Variants in LRRTM4 observed in about 807,000 individuals in gnomAD.
LRRTM4 encodes leucine rich repeat transmembrane neuronal 4.
Under a neutral mutation model 47.6 loss-of-function variants are expected in LRRTM4, and 25 were observed. That is an observed-to-expected ratio of 0.53 (90% CI 0.38 to 0.73). LRRTM4 has a LOEUF of 0.73. Among genes scored for constraint, LRRTM4 ranks in the 30% least tolerant of loss-of-function variants. The pLI is 0.00. For synonymous variants in LRRTM4, 311 were observed against 269.5 expected, an observed-to-expected ratio of 1.15 and a Z score of -1.51; for missense variants, 638 against 713.4, an observed-to-expected ratio of 0.89 and a Z score of 1.20.
At chr2:77,241,458 G>A (rs142484983) in intron 3 of LRRTM4, among the ~76,000 whole-genome samples, 2 of 151,614 alleles carry the variant, frequency 1.3e-5, no homozygotes, top group Admixed American at 6.6e-5. Context: ...ATAACAAGGG[G>A]GTAAAAATGC....
Position 77,460,290 on chromosome 2 carries a change from C to A in LRRTM4, c.1551+58028G>T, listed in dbSNP as rs545732819. Among the ~76,000 whole-genome samples the A allele has an allele frequency of 1.1e-4, 17 of 152,158 alleles. No individual in the cohort carries two copies. The South Asian group carries it at 2.9e-3, about 26-fold the overall frequency. ...GTTTTATTTTTAAACATATTAACTG[C>A]ATTTTATTATGTGTAGTGGGAGGAG... On this transcript the variant is annotated intron_variant, in intron 3 of 3. Transcript: ENST00000409884.
At chr2:77,109,079 C>T (rs1558584447) in intron 3 of LRRTM4, among the ~76,000 whole-genome samples, 1 of 151,954 alleles carries the variant, frequency 6.6e-6, no homozygotes, top group African/African-American at 2.4e-5. Flanking sequence ...CAATGAATTC[C>T]CCAAGGTAAC....
chr2:77,386,715 C>T (rs936138068), intron 3 of LRRTM4, among the ~76,000 whole-genome samples: 3 of 152,048 alleles, frequency 2.0e-5, no homozygotes, highest in African/African-American at 7.2e-5. Context: ...CATGTTCTCA[C>T]TCGTAAGTGG....
Position 76,913,543 on chromosome 2 carries a change from A to ATTTTTTTTTTTTTTTTTTTT in LRRTM4, c.1552-164628_1552-164627insAAAAAAAAAAAAAAAAAAAA, listed in dbSNP as rs58615415. Reference sequence around the variant, plus strand: ...CCAAATATTTAGAGATCCTATTTCAATTTTTTTTTTTTTTGAGACAGAGTC... The same window carrying ATTTTTTTTTTTTTTTTTTTT: ...CCAAATATTTAGAGATCCTATTTCAATTTTTTTTTTTTTTTTTTTTTTTTTTTTTTTTTTGAGACAGAGTC... On this transcript the variant is annotated intron_variant, in intron 3 of 3. Coordinates refer to ENST00000409884, the MANE Select transcript of LRRTM4 (RefSeq NM_001134745.3). Among the ~76,000 whole-genome samples, 210 of 121,422 alleles carry ATTTTTTTTTTTTTTTTTTTT rather than the reference A, an allele frequency of 1.7e-3. 20 individuals are homozygous for ATTTTTTTTTTTTTTTTTTTT. The highest frequency in any genetic ancestry group is 6.4e-3 in the African/African-American group (196 of 30,596). 79.7% of individuals were successfully genotyped at this position (121,422 alleles called of 152,430 possible).
chr2:77,047,973 C>T (rs1275587352), intron 3 of LRRTM4, among the ~76,000 whole-genome samples: 4 of 151,984 alleles, frequency 2.6e-5, no homozygotes, highest in African/African-American at 9.7e-5. Context: ...TCAAATAATG[C>T]TCATTTGTGT....
intron 3 of LRRTM4, among the ~76,000 whole-genome samples, chr2:76,802,481 A>T (rs1046927282): frequency 2.0e-5 from 3 of 152,234 alleles, no homozygotes; most frequent in Non-Finnish European, 2.9e-5. Context: ...CCACAAATTA[A>T]TGGAAACATA....
intron 3 of LRRTM4, among the ~76,000 whole-genome samples, chr2:76,773,244 G>A (rs916703419): frequency 1.3e-5 from 2 of 152,152 alleles, no homozygotes; most frequent in Admixed American, 1.3e-4. Flanking sequence ...AAACCCAGAT[G>A]GCCTAATCAC....
At chr2:77,046,545 G>C (rs1679242035) in intron 3 of LRRTM4, among the ~76,000 whole-genome samples, 1 of 151,990 alleles carries the variant, frequency 6.6e-6, no homozygotes, top group African/African-American at 2.4e-5. Context: ...GCCTTTGGCA[G>C]AATGACTAGA....
chr2:77,466,685 A>T (rs1202851600), intron 3 of LRRTM4, among the ~76,000 whole-genome samples: 5 of 148,516 alleles, frequency 3.4e-5, no homozygotes, highest in African/African-American at 1.2e-4. Context: ...ATGATAAAAA[A>T]TTTCAAACTA....
chr2:76,908,756 G>C (rs1396556673), intron 3 of LRRTM4, among the ~76,000 whole-genome samples: 2 of 151,974 alleles, frequency 1.3e-5, no homozygotes, highest in African/African-American at 4.8e-5. Context: ...GCTTCAAAGA[G>C]AATAAAATAC....
Position 76,858,084 on chromosome 2 carries a change from T to C in LRRTM4, c.1552-109168A>G, listed in dbSNP as rs1672206513. 2.0e-5 allele frequency among the ~76,000 whole-genome samples: 3 copies of C among 152,112 alleles called. No homozygotes were observed. The South Asian group carries it at 6.2e-4, about 32-fold the overall frequency. On this transcript the variant is annotated intron_variant, in intron 3 of 3. Transcript: ENST00000409884. ...AGCAAAAGAAAATGGGCAATAGATA[T>C]CTATAATGGTTAGTTTTATGTGTCA...
chr2:77,089,928 A>C (rs1406794807), intron 3 of LRRTM4, among the ~76,000 whole-genome samples: 1 of 146,782 alleles, frequency 6.8e-6, no homozygotes, highest in African/African-American at 2.7e-5. Flanking sequence ...CTCTGTGCCC[A>C]GTGCAACTCA....
intron 3 of LRRTM4, among the ~76,000 whole-genome samples, chr2:76,850,124 C>T (rs1671949735): frequency 6.6e-6 from 1 of 152,110 alleles, no homozygotes; most frequent in African/African-American, 2.4e-5. Flanking sequence ...CATTTTGTGT[C>T]TCAGAATTTT....
intron 3 of LRRTM4, among the ~76,000 whole-genome samples, chr2:77,383,158 T>C (rs1673127971): frequency 1.3e-5 from 2 of 152,110 alleles, no homozygotes; most frequent in Admixed American, 1.3e-4. Flanking sequence ...AATGGTTGAG[T>C]AAACTAATAT....
At chr2:76,979,855 C>A (rs1558775558) in intron 3 of LRRTM4, among the ~76,000 whole-genome samples, 1 of 151,870 alleles carries the variant, frequency 6.6e-6, no homozygotes, top group African/African-American at 2.4e-5. Context: ...TGGTTTCCTG[C>A]CCATTATTCC....
chr2:77,001,456 G>A (rs911277473), intron 3 of LRRTM4, among the ~76,000 whole-genome samples: 44 of 152,132 alleles, frequency 2.9e-4, no homozygotes, highest in South Asian at 6.2e-4. Context: ...CCTAAGGCAA[G>A]TATGTGCATG....
chr2:77,075,914 CAAAAAAAAAAAAA>C (rs61718845), intron 3 of LRRTM4, among the ~76,000 whole-genome samples: 1,783 of 36,924 alleles, frequency 0.048, 79 homozygotes, highest in African/African-American at 0.14. Context: ...GACTCCGTCT[CAAAAAAAAAAAAA>C]AAAAAAAAAA....
chr2:77,504,101 CTCTT>C (rs1402910548), intron 3 of LRRTM4, among the ~76,000 whole-genome samples: 3 of 151,612 alleles, frequency 2.0e-5, no homozygotes, highest in Non-Finnish European at 3.0e-5. Flanking sequence ...CTCTCTGTCT[CTCTT>C]CCTTTCTTGA....
At chr2:77,167,316 C>T (rs537014212) in intron 3 of LRRTM4, among the ~76,000 whole-genome samples, 44 of 151,990 alleles carry the variant, frequency 2.9e-4, no homozygotes, top group South Asian at 2.5e-3. Flanking sequence ...GTGCTGGAGA[C>T]GATATGGAGA....
Sources: allele counts gnomAD v4.1 joint callset (sites outside exome capture counted in the v4.1 genomes callset), GRCh38; gene constraint gnomAD v4.1.1; transcripts MANE v1.5; gene names NCBI Gene and HGNC (gene_info 2026-07-23, HGNC 2026-07-21).